The following TBC1D32 variants were observed in gnomAD, a reference collection of about 807,000 sequenced individuals.
The protein encoded by TBC1D32 is TBC1 domain family member 32.
A neutral mutation model predicts 170.3 loss-of-function variants in TBC1D32; 151 were observed. The ratio of observed to expected loss-of-function variants is 0.89; its 90% CI spans 0.78 to 1.01. The LOEUF is 1.01. Among genes scored for constraint, TBC1D32 ranks in the 50% least tolerant of loss-of-function variants. TBC1D32 has a pLI of 0.00. For synonymous variants in TBC1D32, 498 were observed against 488.0 expected, an observed-to-expected ratio of 1.02 and a Z score of -0.27; for missense variants, 1,464 against 1,457.1, an observed-to-expected ratio of 1.00 and a Z score of -0.08.
In TBC1D32 at chr6:121,242,816, T is replaced by C. The variant is rs79709762; in HGVS notation, c.2019-477A>G. Among the ~76,000 whole-genome samples the C allele has an allele frequency of 7.6e-3, 1,159 of 152,162 alleles. 20 individuals carry two copies. The highest frequency in any genetic ancestry group is 0.027 in the African/African-American group (1,111 of 41,546). ...TATTTTACTTTTGGGGAAAGATATTTTTTCTCAGAACACTTCTATAAGAAA... is the reference window on the plus strand; with the variant it reads ...TATTTTACTTTTGGGGAAAGATATTCTTTCTCAGAACACTTCTATAAGAAA... On this transcript the variant is annotated intron_variant, in intron 17 of 31. Transcript: ENST00000398212.
At chr6:121,138,721 G>T (rs2128223469) in intron 24 of TBC1D32, among the ~76,000 whole-genome samples, 1 of 152,082 alleles carries the variant, frequency 6.6e-6, no homozygotes, top group African/African-American at 2.4e-5. Flanking sequence ...TTTGATAAAA[G>T]ACTATATCAA....
At chr6:121,273,787 C>T (rs949492650) in intron 15 of TBC1D32, among the ~76,000 whole-genome samples, 3 of 152,114 alleles carry the variant, frequency 2.0e-5, no homozygotes, top group African/African-American at 7.2e-5. Flanking sequence ...GTGCCAATCA[C>T]CACTGGCCAA....
chr6:121,128,230 C>A (rs1307206217), intron 25 of TBC1D32, among the ~76,000 whole-genome samples: 1 of 152,106 alleles, frequency 6.6e-6, no homozygotes, highest in Non-Finnish European at 1.5e-5. Context: ...GCCCAGCAAC[C>A]CTTATGAACA....
intron 29 of TBC1D32, among the ~76,000 whole-genome samples, chr6:121,107,608 T>C (rs1778819853): frequency 6.6e-6 from 1 of 152,072 alleles, no homozygotes; most frequent in Middle Eastern, 3.4e-3. Context: ...TCCATTGATT[T>C]ATCTTCTTTT....
At chr6:121,296,802 T>C (rs1009707520) in intron 10 of TBC1D32, among the ~76,000 whole-genome samples, 1 of 152,058 alleles carries the variant, frequency 6.6e-6, no homozygotes, top group African/African-American at 2.4e-5. Context: ...ACTTTTGACA[T>C]GAAAAATTTA....
At chr6:121,269,791 CA>C (rs1801099658) in intron 15 of TBC1D32, among the ~76,000 whole-genome samples, 2 of 152,142 alleles carry the variant, frequency 1.3e-5, no homozygotes, top group South Asian at 4.1e-4. Context: ...CTCTCCACCC[CA>C]AATCAACAGA....
chr6:121,269,208 C>T (rs1478118782), intron 15 of TBC1D32, among the ~76,000 whole-genome samples: 4 of 152,132 alleles, frequency 2.6e-5, no homozygotes, highest in Non-Finnish European at 4.4e-5. Flanking sequence ...CATCAACTAA[C>T]AAGCAAAATA....
chr6:121,274,105 C>T (rs1435368205), intron 15 of TBC1D32, among the ~76,000 whole-genome samples: 5 of 152,006 alleles, frequency 3.3e-5, no homozygotes, highest in Non-Finnish European at 7.4e-5. Flanking sequence ...TAGGCCAAGG[C>T]GGGCAGATCA....
intron 26 of TBC1D32, among the ~76,000 whole-genome samples, chr6:121,125,242 A>G (rs78214814): frequency 0.015 from 2,278 of 152,278 alleles, 40 homozygotes; most frequent in African/African-American, 0.044. Flanking sequence ...TCTAGAGAAC[A>G]TTCTAAGCCC....
intron 21 of TBC1D32, among the ~76,000 whole-genome samples, chr6:121,208,729 GAAAAAAA>G (rs57771111): frequency 1.2e-5 from 1 of 86,898 alleles, no homozygotes. Context: ...GAAACACCTG[GAAAAAAA>G]AAAAAAAAAA....
intron 15 of TBC1D32, among the ~76,000 whole-genome samples, chr6:121,270,868 T>C (rs111248055): frequency 6.6e-6 from 1 of 152,122 alleles, no homozygotes. Flanking sequence ...CTCAATAAAA[T>C]ACTGGCAAAC....
At chr6:121,145,556 G>C (rs1783319926) in intron 24 of TBC1D32, among the ~76,000 whole-genome samples, 1 of 152,062 alleles carries the variant, frequency 6.6e-6, no homozygotes, top group African/African-American at 2.4e-5. Context: ...TGGTGACTAT[G>C]TTATTAACAA....
intron 22 of TBC1D32, among the ~76,000 whole-genome samples, chr6:121,178,297 A>G (rs1788039183): frequency 6.6e-6 from 1 of 152,084 alleles, no homozygotes; most frequent in South Asian, 2.1e-4. Flanking sequence ...ATCCATTGTG[A>G]TGACTCTGGA....
chr6:121,294,717 T>G, intron 10 of TBC1D32, 57 bp from the exon 11 acceptor site: 4 of 1,277,156 alleles, frequency 3.1e-6, no homozygotes, highest in Non-Finnish European at 4.5e-6. Context: ...GTCCAAGAAT[T>G]AAAAGAAATT....
At chr6:121,246,762 T>A (rs1238622321) in intron 17 of TBC1D32, among the ~76,000 whole-genome samples, 1 of 150,978 alleles carries the variant, frequency 6.6e-6, no homozygotes, top group Admixed American at 6.6e-5. Flanking sequence ...AACAACAGAC[T>A]AGAACAAGCA....
chr6:121,103,339 A>T (rs1015880738), intron 30 of TBC1D32, among the ~76,000 whole-genome samples: 3 of 151,848 alleles, frequency 2.0e-5, no homozygotes, highest in East Asian at 1.9e-4. Flanking sequence ...CAACCCAAAT[A>T]TCCATCAATG....
At chr6:121,182,866 C>A (rs1486890268) in intron 22 of TBC1D32, among the ~76,000 whole-genome samples, 1 of 151,158 alleles carries the variant, frequency 6.6e-6, no homozygotes, top group Non-Finnish European at 1.5e-5. Context: ...CAACAATTAT[C>A]CGTGTTAAAT....
At chr6:121,141,439 C>T (rs1273999579) in intron 24 of TBC1D32, among the ~76,000 whole-genome samples, 1 of 152,102 alleles carries the variant, frequency 6.6e-6, no homozygotes, top group Non-Finnish European at 1.5e-5. Context: ...ACATAAAGTG[C>T]TCTTACAACT....
At chr6:121,326,556 G>A (rs1041238399) in intron 1 of TBC1D32, among the ~76,000 whole-genome samples, 1 of 152,012 alleles carries the variant, frequency 6.6e-6, no homozygotes, top group Non-Finnish European at 1.5e-5. Context: ...CAAATATCCT[G>A]GAAAACTTTT....
Sources: allele counts gnomAD v4.1 joint callset (sites outside exome capture counted in the v4.1 genomes callset), GRCh38; gene constraint gnomAD v4.1.1; transcripts MANE v1.5; gene names NCBI Gene and HGNC (gene_info 2026-07-23, HGNC 2026-07-21).